Variants in CACNA1A observed in about 807,000 individuals in gnomAD.
The protein encoded by CACNA1A is voltage-dependent P/Q-type calcium channel subunit alpha-1A.
CACNA1A carries 57 observed loss-of-function variants against 262.4 expected under a neutral mutation model. That is an observed-to-expected ratio of 0.22 (90% CI 0.18 to 0.27). The LOEUF (loss-of-function observed/expected upper bound fraction) is 0.27, where lower values mean the gene tolerates loss of function less well. Among genes scored for constraint, CACNA1A ranks in the 10% least tolerant of loss-of-function variants. The pLI is 1.00. For missense variants in CACNA1A, 2,526 were observed against 3,562.8 expected (o/e 0.71, Z 7.41); for synonymous variants, 1,431 against 1,419.3 (o/e 1.01, Z -0.18).
At chr19:13,357,518 G>T (rs376323508) in intron 6 of CACNA1A, among the ~76,000 whole-genome samples, 2 of 152,098 alleles carry the variant, frequency 1.3e-5, no homozygotes, top group African/African-American at 4.8e-5. Context: ...GCAGCCCCAG[G>T]GTGCTCTATG....
intron 5 of CACNA1A, 124 bp downstream of exon 5, chr19:13,365,193 T>C: frequency 1.3e-6 from 1 of 788,192 alleles, no homozygotes; most frequent in South Asian, 1.8e-5. Context: ...TCTCCTGTAG[T>C]GCTCTCTGAA....
chr19:13,426,259 T>C (rs952918296), intron 3 of CACNA1A, among the ~76,000 whole-genome samples: 1 of 152,220 alleles, frequency 6.6e-6, no homozygotes, highest in Non-Finnish European at 1.5e-5. Flanking sequence ...TGGGCTTTTT[T>C]TAGATTTAGC....
In CACNA1A at chr19:13,293,784, G is replaced by A. The variant is rs945390321; in HGVS notation, c.3089+4760C>T. ...TTAAATCTTATACCCAGAGAAGGAGGTAGCTACTATTCTTATCTTCATTTT... is the reference window on the plus strand; with the variant it reads ...TTAAATCTTATACCCAGAGAAGGAGATAGCTACTATTCTTATCTTCATTTT... On this transcript the variant is annotated intron_variant, in intron 19 of 46. Coordinates refer to ENST00000360228, the MANE Select transcript of CACNA1A (RefSeq NM_001127222.2). Among the ~76,000 whole-genome samples, 7 of 150,826 alleles carry A rather than the reference G, an allele frequency of 4.6e-5. No individual in the cohort carries two copies. The South Asian group carries it at 1.5e-3, about 32-fold the overall frequency.
intron 37 of CACNA1A, 62 bp downstream of exon 37, chr19:13,227,363 AAAAAAG>A (rs2055494692): frequency 4.7e-6 from 3 of 637,970 alleles, no homozygotes; most frequent in Non-Finnish European, 5.4e-6. Context: ...CAGCACTAAA[AAAAAAG>A]AAGAAGAAGA....
intron 10 of CACNA1A, among the ~76,000 whole-genome samples, chr19:13,326,733 G>A (rs370532291): frequency 1.3e-5 from 2 of 149,020 alleles, no homozygotes; most frequent in East Asian, 4.1e-4. Context: ...AGGCTGCAGT[G>A]AGCTATGCCT....
intron 19 of CACNA1A, among the ~76,000 whole-genome samples, chr19:13,291,410 A>G (rs1431741378): frequency 6.6e-6 from 1 of 151,688 alleles, no homozygotes; most frequent in Non-Finnish European, 1.5e-5. Context: ...GATCAGCCCC[A>G]TTTCACACAG....
intron 3 of CACNA1A, among the ~76,000 whole-genome samples, chr19:13,422,261 C>T (rs534067442): frequency 3.2e-4 from 48 of 152,292 alleles, no homozygotes; most frequent in African/African-American, 1.0e-3. Context: ...TTTGAGGCTG[C>T]AGTGAGCTGT....
Position 13,212,728 on chromosome 19 carries a change from G to C in CACNA1A, c.5953C>G (p.Leu1985Val), listed in dbSNP as rs2054861568. ...GGGGGCTCCATGCGCTGGAACATGA[G>C]GGGTGTCCGGTCCTGGGGAATGGGG... ...AMREEQDRTP[L>V]MFQRMEPPSP... The change falls in exon 41 of 47, where the codon CTC becomes GTC. Residue 1985 changes from leucine to valine, a missense_variant. Physicochemically the swap from Leu to Val is conservative, Grantham distance 32 (BLOSUM62 1). This residue lies in a region of CACNA1A where 929 missense variants were observed against 868.1 expected (regional missense o/e 1.07). Transcript: ENST00000360228. This position sits in a 1 kb window ranked among gnomAD's most constrained non-coding sequence, Gnocchi z 5.6. 10 of 1,503,564 alleles carry C rather than the reference G, an allele frequency of 6.7e-6. No homozygotes were observed. The highest frequency in any genetic ancestry group is 2.3e-5 in the Admixed American group (1 of 42,926). The allele number at this position is 1,503,564 out of a possible 1,614,324, so 93.1% of individuals were successfully genotyped here.
chr19:13,332,344 G>A (rs1217483013), intron 9 of CACNA1A, among the ~76,000 whole-genome samples: 1 of 152,014 alleles, frequency 6.6e-6, no homozygotes, highest in Non-Finnish European at 1.5e-5. Flanking sequence ...AGGTTGCAGT[G>A]AGGTGAGATC....
intron 19 of CACNA1A, among the ~76,000 whole-genome samples, chr19:13,294,789 G>C (rs549823228): frequency 3.4e-4 from 51 of 152,166 alleles, no homozygotes; most frequent in Admixed American, 3.0e-3. Flanking sequence ...ACACTGGCCT[G>C]TACCTGGCTC....
chr19:13,454,851 C>T (rs547698481), intron 2 of CACNA1A, among the ~76,000 whole-genome samples: 27 of 152,122 alleles, frequency 1.8e-4, no homozygotes, highest in Admixed American at 1.5e-3. Flanking sequence ...CCCTGCTACT[C>T]AGGAGGCTGC....
chr19:13,336,594 GGAGAGAGAGAGAGAGA>G (rs547329827), intron 6 of CACNA1A, among the ~76,000 whole-genome samples: 3 of 65,494 alleles, frequency 4.6e-5, no homozygotes, highest in Non-Finnish European at 6.3e-5. Context: ...AGAGAGAGAG[GGAGAGAGAGAGAGAGA>G]GAGAGAGAGA....
intron 3 of CACNA1A, among the ~76,000 whole-genome samples, chr19:13,414,534 T>G (rs1298829272): frequency 2.6e-5 from 4 of 152,130 alleles, no homozygotes; most frequent in Admixed American, 2.6e-4. Flanking sequence ...GTCATCTAGA[T>G]GGACAGAAGA....
intron 30 of CACNA1A, among the ~76,000 whole-genome samples, chr19:13,248,214 A>G (rs879621939): frequency 2.6e-5 from 4 of 151,876 alleles, no homozygotes; most frequent in Non-Finnish European, 4.4e-5. Flanking sequence ...ACAGACCTCA[A>G]CCCCTAGGCT....
At chr19:13,430,160 TAAA>T (rs1231522326) in intron 3 of CACNA1A, among the ~76,000 whole-genome samples, 1 of 151,876 alleles carries the variant, frequency 6.6e-6, no homozygotes, top group Non-Finnish European at 1.5e-5. Context: ...ACTAAACACT[TAAA>T]AAATGGTACA....
chr19:13,305,129 A>G (rs1277925965), intron 15 of CACNA1A, among the ~76,000 whole-genome samples: 1 of 152,194 alleles, frequency 6.6e-6, no homozygotes, highest in African/African-American at 2.4e-5. Flanking sequence ...AGAGGGTGGA[A>G]CGTAAACAGT....
intron 24 of CACNA1A, among the ~76,000 whole-genome samples, chr19:13,265,590 A>G (rs966262944): frequency 2.6e-5 from 4 of 152,200 alleles, no homozygotes; most frequent in African/African-American, 9.7e-5. Flanking sequence ...CACTGAGATA[A>G]TTTTAGGCAG....
At chr19:13,375,780 C>T (rs1265708865) in intron 3 of CACNA1A, among the ~76,000 whole-genome samples, 1 of 151,728 alleles carries the variant, frequency 6.6e-6, no homozygotes. Context: ...GGAGTGAGAC[C>T]CTGTCTCAAA....
intron 3 of CACNA1A, among the ~76,000 whole-genome samples, chr19:13,430,187 A>G (rs994264221): frequency 6.7e-6 from 1 of 148,238 alleles, no homozygotes; most frequent in Non-Finnish European, 1.5e-5. Flanking sequence ...TATGTTATGC[A>G]TATGTTACCA....
Sources: allele counts gnomAD v4.1 joint callset (sites outside exome capture counted in the v4.1 genomes callset), GRCh38; gene constraint gnomAD v4.1.1; regional missense constraint gnomAD v4.1.1; non-coding constraint Gnocchi (gnomAD v3.1); transcripts MANE v1.5; gene names NCBI Gene and HGNC (gene_info 2026-07-23, HGNC 2026-07-21).